Variants in WFDC10B observed in about 807,000 individuals in gnomAD.
The protein encoded by WFDC10B is protein WFDC10B.
In WFDC10B, 1 loss-of-function variant was observed where a neutral mutation model predicts 2.7. The observed-to-expected ratio is 0.38, with a 90% CI of 0.13 to 1.79. WFDC10B has a LOEUF of 1.79. Ranked by LOEUF, WFDC10B falls within the 40% of genes most tolerant of loss-of-function variation. WFDC10B has a pLI of 0.33. For missense variants in WFDC10B, 71 were observed against 87.8 expected (o/e 0.81, Z 0.76); for synonymous variants, 26 against 32.2 (o/e 0.81, Z 0.65).
chr20:45,686,549 C>T (rs1017287594), intron 2 of WFDC10B, among the ~76,000 whole-genome samples: 9 of 149,462 alleles, frequency 6.0e-5, no homozygotes, highest in African/African-American at 2.0e-4. Context: ...TGGGGGGGGG[C>T]GGTGAACGTA....
At chr20:45,698,995 A>AGGGGGG (rs1555806830) in intron 2 of WFDC10B, among the ~76,000 whole-genome samples, 5 of 145,244 alleles carry the variant, frequency 3.4e-5, no homozygotes, top group Admixed American at 1.4e-4. Context: ...AAGGAGGAGA[A>AGGGGGG]GGAGGGGGAG....
At chr20:45,692,147 G>T (rs929064143) in intron 2 of WFDC10B, among the ~76,000 whole-genome samples, 1 of 152,064 alleles carries the variant, frequency 6.6e-6, no homozygotes, top group Non-Finnish European at 1.5e-5. Flanking sequence ...TTCCTTTAAG[G>T]ATGTTGAATA....
chr20:45,692,150 G>A (rs1983832704), intron 2 of WFDC10B, among the ~76,000 whole-genome samples: 1 of 152,156 alleles, frequency 6.6e-6, no homozygotes, highest in Non-Finnish European at 1.5e-5. Context: ...CTTTAAGGAT[G>A]TTGAATATTG....
At chr20:45,696,928 A>AT (rs1983996449) in intron 2 of WFDC10B, among the ~76,000 whole-genome samples, 1 of 152,162 alleles carries the variant, frequency 6.6e-6, no homozygotes, top group Admixed American at 6.5e-5. Context: ...CCCTTCTATA[A>AT]TTAAAAAAAA....
At chr20:45,686,550 G>A (rs562554411) in intron 2 of WFDC10B, among the ~76,000 whole-genome samples, 26 of 151,676 alleles carry the variant, frequency 1.7e-4, no homozygotes, top group African/African-American at 5.8e-4. Flanking sequence ...GGGGGGGGGC[G>A]GTGAACGTAG....
chr20:45,703,087 A>G (rs1396332410), intron 2 of WFDC10B, among the ~76,000 whole-genome samples: 2 of 152,220 alleles, frequency 1.3e-5, no homozygotes, highest in African/African-American at 4.8e-5. Flanking sequence ...GGAAAGGCAC[A>G]AAGAGGCTTT....
intron 2 of WFDC10B, among the ~76,000 whole-genome samples, chr20:45,696,402 T>C (rs1983981709): frequency 6.7e-6 from 1 of 149,594 alleles, no homozygotes; most frequent in Non-Finnish European, 1.5e-5. Context: ...ATAATAAACA[T>C]GTGAGCACAG....
intron 2 of WFDC10B, among the ~76,000 whole-genome samples, chr20:45,696,524 AAAGAG>A (rs1488201057): frequency 2.0e-5 from 3 of 152,110 alleles, no homozygotes; most frequent in South Asian, 4.1e-4. Flanking sequence ...ACTAAGAAGA[AAAGAG>A]AAAAGACACA....
intron 2 of WFDC10B, among the ~76,000 whole-genome samples, chr20:45,688,172 A>C (rs1983690906): frequency 6.6e-6 from 1 of 150,944 alleles, no homozygotes; most frequent in African/African-American, 2.4e-5. Context: ...ATGATTTCCA[A>C]CTTCATCCAT....
At chr20:45,697,826 C>T (rs1984025476) in intron 2 of WFDC10B, among the ~76,000 whole-genome samples, 1 of 151,212 alleles carries the variant, frequency 6.6e-6, no homozygotes, top group Non-Finnish European at 1.5e-5. Context: ...TCACTGCAAC[C>T]TCCGCCTCCC....
At chr20:45,685,598 C>G (rs1487313) in intron 3 of WFDC10B, among the ~76,000 whole-genome samples, 2,131 of 152,342 alleles carry the variant, frequency 0.014, 90 homozygotes, top group Admixed American at 0.099. Flanking sequence ...GAATAATTGT[C>G]TTGCTTTCCC....
chr20:45,692,563 CT>C (rs1289799401), intron 2 of WFDC10B, among the ~76,000 whole-genome samples: 1 of 152,134 alleles, frequency 6.6e-6, no homozygotes, highest in African/African-American at 2.4e-5. Flanking sequence ...CTAAACTTCC[CT>C]TCTCGCTTCA....
chr20:45,702,259 G>C, intron 2 of WFDC10B: 1 of 1,561,872 alleles, frequency 6.4e-7, no homozygotes, highest in Non-Finnish European at 8.7e-7. Flanking sequence ...TGTGTGGATA[G>C]GAGAGGATCT....
intron 2 of WFDC10B, among the ~76,000 whole-genome samples, chr20:45,695,886 T>G (rs1213550194): frequency 6.6e-6 from 1 of 151,278 alleles, no homozygotes; most frequent in African/African-American, 2.4e-5. Flanking sequence ...AAAAAAAACT[T>G]TCGGATGAAT....
intron 2 of WFDC10B, chr20:45,702,203 G>T: frequency 1.2e-6 from 2 of 1,611,992 alleles, no homozygotes; most frequent in Non-Finnish European, 1.7e-6. Context: ...CCCAAGCAGC[G>T]TGTTCTGAGT....
intron 3 of WFDC10B, 118 bp from the exon 4 acceptor site, chr20:45,685,078 G>C (rs1380961987): frequency 7.5e-7 from 1 of 1,327,954 alleles, no homozygotes; most frequent in Non-Finnish European, 1.0e-6. Flanking sequence ...GACTCTCCTG[G>C]ACTCTTCAGG....
rs149633268 is a variant in WFDC10B, at chr20:45,685,757, G to C, written c.91+145C>G. 1.5e-5 allele frequency: 21 copies of C among 1,357,762 alleles called. No individual in the cohort carries two copies. In the East Asian group the frequency reaches 4.9e-4, roughly 32 times the overall value. The allele number at this position is 1,357,762 out of a possible 1,614,324, so 84.1% of individuals were successfully genotyped here. A position where few individuals can be genotyped will look rare whatever the true frequency, so the allele number is the denominator to read the frequency against. On this transcript the variant is annotated intron_variant, in intron 3 of 3. Coordinates refer to ENST00000330523, the MANE Select transcript of WFDC10B (RefSeq NM_172006.2). ...TAAAGGGGTTGGAGGGCCATGGTTT[G>C]GGACAGCCCAGAGTCTGCACAGCAT...
Position 45,684,670 on chromosome 20 carries a change from G to C in WFDC10B, c.*160C>G. 1.0e-6 allele frequency: 1 copy of C among 968,192 alleles called. No homozygotes were observed. The highest frequency in any genetic ancestry group is 1.5e-6 in the Non-Finnish European group (1 of 663,730). 60.0% of individuals were successfully genotyped at this position (968,192 alleles called of 1,614,324 possible). On this transcript the variant is annotated 3_prime_UTR_variant, in exon 4 of 4. Coordinates refer to ENST00000330523, the MANE Select transcript of WFDC10B (RefSeq NM_172006.2). ...GCAGGATCCATGGGCATTTGTTCTG[G>C]TTTATTTGACAGGGACAGGGAGTTC...
intron 2 of WFDC10B, among the ~76,000 whole-genome samples, chr20:45,696,572 C>T (rs1983986096): frequency 6.6e-6 from 1 of 152,002 alleles, no homozygotes; most frequent in Non-Finnish European, 1.5e-5. Flanking sequence ...AGTGGGACAT[C>T]ACCACCAACC....
Sources: gnomAD v4.1 joint callset for allele counts (sites outside exome capture counted in the v4.1 genomes callset) on GRCh38, gnomAD v4.1.1 for gene constraint, MANE v1.5 for transcripts, NCBI Gene and HGNC (gene_info 2026-07-23, HGNC 2026-07-21) for gene names.